The following PKP4 variants were observed in gnomAD, a reference collection of about 807,000 sequenced individuals.
The protein encoded by PKP4 is plakophilin-4.
Under a neutral mutation model 145.1 loss-of-function variants are expected in PKP4, and 90 were observed. The ratio of observed to expected loss-of-function variants is 0.62; its 90% CI spans 0.52 to 0.74. The LOEUF (loss-of-function observed/expected upper bound fraction) is 0.74, where lower values mean the gene tolerates loss of function less well. Among genes scored for constraint, PKP4 ranks in the 30% least tolerant of loss-of-function variants. The pLI is 0.00. For synonymous variants in PKP4, 563 were observed against 577.2 expected (o/e 0.98, Z 0.35); for missense variants, 1,340 against 1,482.7 (o/e 0.90, Z 1.58).
At chr2:158,586,915 A>G (rs1251738492) in intron 3 of PKP4, among the ~76,000 whole-genome samples, 1 of 152,260 alleles carries the variant, frequency 6.6e-6, no homozygotes, top group African/African-American at 2.4e-5. Context: ...ACCCCAAGGT[A>G]TTTCAACCAG....
intron 11 of PKP4, among the ~76,000 whole-genome samples, chr2:158,646,248 C>CTAATCCTT (rs2054816837): frequency 6.6e-6 from 1 of 152,174 alleles, no homozygotes; most frequent in South Asian, 2.1e-4. Flanking sequence ...ACTGTTACCA[C>CTAATCCTT]TAATCCTTTA....
rs1273944759 is a variant in PKP4, at chr2:158,524,054, C to G, written c.-5-9126C>G. ...GAGAATGGAACCAAGTTGGAAAACACTCTGCAGGATATTATCCAGGAGAAC... is the reference window on the plus strand; with the variant it reads ...GAGAATGGAACCAAGTTGGAAAACAGTCTGCAGGATATTATCCAGGAGAAC... On this transcript the variant is annotated intron_variant, in intron 1 of 21. Coordinates refer to ENST00000389759, the MANE Select transcript of PKP4 (RefSeq NM_003628.6). Among the ~76,000 whole-genome samples the G allele has an allele frequency of 5.8e-5, 3 of 51,356 alleles. 1 individual carries two copies. The East Asian group carries it at 2.2e-3, about 38-fold the overall frequency. The allele number at this position is 51,356 out of a possible 152,430, so 33.7% of individuals were successfully genotyped here. A position where few individuals can be genotyped will look rare whatever the true frequency, so the allele number is the denominator to read the frequency against.
chr2:158,576,556 C>T (rs926336431), intron 2 of PKP4, among the ~76,000 whole-genome samples: 9 of 152,206 alleles, frequency 5.9e-5, no homozygotes, highest in Non-Finnish European at 8.8e-5. Flanking sequence ...AAAACATTCT[C>T]TCCTTTCATA....
At chr2:158,475,759 G>A (rs1268355399) in intron 1 of PKP4, among the ~76,000 whole-genome samples, 1 of 152,138 alleles carries the variant, frequency 6.6e-6, no homozygotes, top group African/African-American at 2.4e-5. Context: ...TGTGAAAACT[G>A]ACTCAGTGCA....
intron 3 of PKP4, among the ~76,000 whole-genome samples, chr2:158,581,350 C>T (rs1574604491): frequency 6.6e-6 from 1 of 152,160 alleles, no homozygotes; most frequent in Non-Finnish European, 1.5e-5. Flanking sequence ...TCACCAGTTA[C>T]CTTTCATACT....
intron 11 of PKP4, among the ~76,000 whole-genome samples, chr2:158,657,372 T>A (rs558202495): frequency 6.6e-6 from 1 of 152,284 alleles, no homozygotes; most frequent in East Asian, 1.9e-4. Flanking sequence ...TCTAATAAGC[T>A]CCATTTAAGA....
At chr2:158,568,263 G>A (rs540385602) in intron 2 of PKP4, among the ~76,000 whole-genome samples, 12 of 152,204 alleles carry the variant, frequency 7.9e-5, no homozygotes, top group East Asian at 1.9e-4. Context: ...ACTTGAACCC[G>A]GGAGGCAGAG....
At chr2:158,530,781 C>T (rs766805545) in intron 1 of PKP4, among the ~76,000 whole-genome samples, 8 of 151,954 alleles carry the variant, frequency 5.3e-5, no homozygotes, top group Non-Finnish European at 1.0e-4. Context: ...TGGCTTTGCT[C>T]CTCATCTAAT....
At position 158,603,162 on chromosome 2, in the gene PKP4, C is replaced by G. The variant is rs1415614380; in HGVS notation, c.280+58C>G. 5.5e-6 allele frequency: 5 copies of G among 902,916 alleles called. No individual in the cohort carries two copies. In the South Asian group the frequency reaches 5.6e-5, roughly 10 times the overall value. The allele number at this position is 902,916 out of a possible 1,614,324, so 55.9% of individuals were successfully genotyped here. On this transcript the variant is annotated intron_variant, in intron 4 of 21. Transcript: ENST00000389759. Reference sequence around the variant, plus strand: ...ATAAACACAAATTACATAGCCTACTCTCTTAACTTACTATCTCTTGGTGAA... The same window carrying G: ...ATAAACACAAATTACATAGCCTACTGTCTTAACTTACTATCTCTTGGTGAA...
Position 158,474,683 on chromosome 2 carries a change from G to A in PKP4, c.-6+17465G>A, listed in dbSNP as rs1559190898. 3.3e-5 allele frequency among the ~76,000 whole-genome samples: 5 copies of A among 152,250 alleles called. No individual in the cohort carries two copies. The South Asian group carries it at 1.0e-3, about 32-fold the overall frequency. ...TTTGCCTTTCCCTCAGCAGTGTAAG[G>A]CTGTTCCATAGTAGAGATAGGAGAG... On this transcript the variant is annotated intron_variant, in intron 1 of 21. Coordinates refer to ENST00000389759, the MANE Select transcript of PKP4 (RefSeq NM_003628.6).
At chr2:158,552,057 C>A (rs190997659) in intron 2 of PKP4, among the ~76,000 whole-genome samples, 2 of 152,134 alleles carry the variant, frequency 1.3e-5, no homozygotes, top group Non-Finnish European at 2.9e-5. Flanking sequence ...GGGAGATTAT[C>A]CTGGATTATC....
intron 3 of PKP4, among the ~76,000 whole-genome samples, chr2:158,584,719 C>T (rs1287097594): frequency 6.6e-6 from 1 of 152,130 alleles, no homozygotes; most frequent in East Asian, 1.9e-4. Flanking sequence ...TTGAAGATTT[C>T]ATAAATGAAA....
At chr2:158,528,788 C>G (rs911307525) in intron 1 of PKP4, among the ~76,000 whole-genome samples, 1 of 151,784 alleles carries the variant, frequency 6.6e-6, no homozygotes, top group African/African-American at 2.4e-5. Flanking sequence ...AGGTTCATCT[C>G]TGAGCTTTGT....
At position 158,610,797 on chromosome 2, in the gene PKP4, C is replaced by A. The variant is rs537750685; in HGVS notation, c.280+7693C>A. On this transcript the variant is annotated intron_variant, in intron 4 of 21. Coordinates refer to ENST00000389759, the MANE Select transcript of PKP4 (RefSeq NM_003628.6). ...TGTGTAAAATGCAGGGGAGGAGAAT[C>A]GGCCTCAGAATCCAGCCTCCCTCCG... 4.6e-5 allele frequency among the ~76,000 whole-genome samples: 7 copies of A among 152,120 alleles called. No individual in the cohort carries two copies. In the East Asian group the frequency reaches 1.4e-3, roughly 29 times the overall value.
intron 3 of PKP4, among the ~76,000 whole-genome samples, chr2:158,585,432 T>G (rs1019050544): frequency 2.0e-5 from 3 of 152,226 alleles, no homozygotes; most frequent in African/African-American, 7.2e-5. Flanking sequence ...TTTTTACACT[T>G]GATCGAGTCA....
Position 158,676,730 on chromosome 2 carries a change from T to C in PKP4, c.3128-9T>C, listed in dbSNP as rs759754354. The C allele has an allele frequency of 1.2e-6, 2 of 1,614,014 alleles. No homozygotes were observed. On this transcript the variant is annotated splice_polypyrimidine_tract_variant and intron_variant, in intron 19 of 21. Coordinates refer to ENST00000389759, the MANE Select transcript of PKP4 (RefSeq NM_003628.6). ...CCCTCTTTCTCTCCTCCTTTGCCTC[T>C]CCCTTCAGTCGGCAGCACCTCTTCC...
intron 3 of PKP4, among the ~76,000 whole-genome samples, chr2:158,584,720 A>G (rs570706943): frequency 1.3e-5 from 2 of 152,352 alleles, no homozygotes; most frequent in East Asian, 1.9e-4. Context: ...TGAAGATTTC[A>G]TAAATGAAAT....
intron 4 of PKP4, 87 bp from the exon 5 acceptor site, chr2:158,620,903 G>A: frequency 1.8e-6 from 2 of 1,105,772 alleles, no homozygotes. Context: ...TAGATTCTAA[G>A]ATGCTGTTGA....
In PKP4 at chr2:158,533,327, G is replaced by A. The variant is rs760719585; in HGVS notation, c.132+11G>A. 9.9e-6 allele frequency: 16 copies of A among 1,613,662 alleles called. No individual in the cohort carries two copies. Among genetic ancestry groups the A allele is most frequent in the Non-Finnish European group, 1.4e-5 (16 of 1,179,744 alleles). On this transcript the variant is annotated intron_variant, in intron 2 of 21. Transcript: ENST00000389759. ...TCCGTGAAGGAGCAGGTACATCCTCGTATTGAAAGTTGCAGTGAATTATTT... is the reference window on the plus strand; with the variant it reads ...TCCGTGAAGGAGCAGGTACATCCTCATATTGAAAGTTGCAGTGAATTATTT...
Sources: allele counts gnomAD v4.1 joint callset (sites outside exome capture counted in the v4.1 genomes callset), GRCh38; gene constraint gnomAD v4.1.1; transcripts MANE v1.5; gene names NCBI Gene and HGNC (gene_info 2026-07-23, HGNC 2026-07-21).